The following MON1B variants were observed in gnomAD, a reference collection of about 807,000 sequenced individuals.
The protein encoded by MON1B is MON1 vesicular trafficking associated B.
In MON1B, 26 loss-of-function variants were observed where a neutral mutation model predicts 45.1. That is an observed-to-expected ratio of 0.58 (90% CI 0.42 to 0.80). The LOEUF (loss-of-function observed/expected upper bound fraction) is 0.80, where lower values mean the gene tolerates loss of function less well. MON1B is among the 30% of genes least tolerant of loss of function. The pLI is 0.00. For missense variants in MON1B, 737 were observed against 754.5 expected, an observed-to-expected ratio of 0.98 and a Z score of 0.27; for synonymous variants, 395 against 320.2, an observed-to-expected ratio of 1.23 and a Z score of -2.49.
At position 77,200,256 on chromosome 16, in the gene MON1B, G is replaced by GTATATATATATATGTATATATATA. The variant is rs2054719886; in HGVS notation, c.*1961_*1962insGTATATATATATATATATATATAT. On this transcript the variant is annotated 3_prime_UTR_variant, in exon 6 of 6. Coordinates refer to ENST00000248248, the MANE Select transcript of MON1B (RefSeq NM_014940.4). ...TGTATATATATATATATGTATATGT[G>GTATATATATATATGTATATATATA]TATATATATATATATGTGTATATAT... The GTATATATATATATGTATATATATA allele has an allele frequency of 2.4e-5, 2 of 83,614 alleles. No homozygotes were observed. Among genetic ancestry groups the GTATATATATATATGTATATATATA allele is most frequent in the African/African-American group, 7.4e-5 (2 of 26,920 alleles). The allele number at this position is 83,614 out of a possible 1,614,324, so 5.2% of individuals were successfully genotyped here.
At chr16:77,196,480 A>G (rs1277346611) in intron 5 of MON1B, among the ~76,000 whole-genome samples, 1 of 152,194 alleles carries the variant, frequency 6.6e-6, no homozygotes, top group Non-Finnish European at 1.5e-5. Context: ...ATTTTACTAT[A>G]AAGAGTAACA....
At chr16:77,197,232 C>T (rs750898077) in intron 5 of MON1B, among the ~76,000 whole-genome samples, 2 of 148,622 alleles carry the variant, frequency 1.3e-5, no homozygotes, top group Non-Finnish European at 3.0e-5. Flanking sequence ...CCCATCTCTA[C>T]TAAAAATACA....
In MON1B at chr16:77,201,327, A is replaced by T. The variant is rs1308950493; in HGVS notation, c.*3019A>T. Reference sequence around the variant, plus strand: ...AGCTGCCACTGCAATTAAAAAAAAAATTTTAGTATCAACCTTTCAAATTCC... The same window carrying T: ...AGCTGCCACTGCAATTAAAAAAAAATTTTTAGTATCAACCTTTCAAATTCC... On this transcript the variant is annotated 3_prime_UTR_variant, in exon 6 of 6. Transcript: ENST00000248248. 6.6e-6 allele frequency: 1 copy of T among 152,208 alleles called. No individual in the cohort carries two copies. Among genetic ancestry groups the T allele is most frequent in the Non-Finnish European group, 1.5e-5 (1 of 68,044 alleles). The allele number at this position is 152,208 out of a possible 1,614,324, so 9.4% of individuals were successfully genotyped here. A position where few individuals can be genotyped will look rare whatever the true frequency, so the allele number is the denominator to read the frequency against.
rs777424016 is a variant in MON1B at position 77,194,220 on chromosome 16, A to G, written c.476-115A>G. ...CAGTCCAGGTGCCCACAGAGTGAGC[A>G]TGTGGACTCGGGCCTGGTGTGTGTA... On this transcript the variant is annotated intron_variant, in intron 3 of 5. Coordinates refer to ENST00000248248, the MANE Select transcript of MON1B (RefSeq NM_014940.4). This position sits in a 1 kb window ranked among gnomAD's most constrained non-coding sequence, Gnocchi z 8.1. 4.3e-6 allele frequency: 4 copies of G among 931,792 alleles called. No homozygotes were observed. Among genetic ancestry groups the G allele is most frequent in the Non-Finnish European group, 7.0e-6 (4 of 575,028 alleles). 57.7% of individuals were successfully genotyped at this position (931,792 alleles called of 1,614,324 possible).
rs1000526196 is a variant in MON1B, at chr16:77,200,631, C to G, written c.*2323C>G. ...ATTGTCCGGGTGTGGTGGCGGGCGCCTGTAGTCCCAGCTACTGGGGAGGCT... is the reference window on the plus strand; with the variant it reads ...ATTGTCCGGGTGTGGTGGCGGGCGCGTGTAGTCCCAGCTACTGGGGAGGCT... On this transcript the variant is annotated 3_prime_UTR_variant, in exon 6 of 6. Coordinates refer to ENST00000248248, the MANE Select transcript of MON1B (RefSeq NM_014940.4). 2 of 151,668 alleles carry G rather than the reference C, an allele frequency of 1.3e-5. No homozygotes were observed. The highest frequency in any genetic ancestry group is 2.9e-5 in the Non-Finnish European group (2 of 67,998). The allele number at this position is 151,668 out of a possible 1,614,324, so 9.4% of individuals were successfully genotyped here. A position where few individuals can be genotyped will look rare whatever the true frequency, so the allele number is the denominator to read the frequency against.
rs1373158148 is a variant in MON1B, at chr16:77,195,171, A to C, written c.1295+17A>C. Reference sequence around the variant, plus strand: ...GTTTACCAGGTAGGCCCTGACCCTAAGGCAACTGGCTGGGTGGGAAGGCCT... The same window carrying C: ...GTTTACCAGGTAGGCCCTGACCCTACGGCAACTGGCTGGGTGGGAAGGCCT... On this transcript the variant is annotated intron_variant, in intron 4 of 5. Transcript: ENST00000248248. The C allele has an allele frequency of 6.5e-7, 1 of 1,540,770 alleles. No homozygotes were observed. Among genetic ancestry groups the C allele is most frequent in the Non-Finnish European group, 8.7e-7 (1 of 1,147,798 alleles).
At position 77,195,261 on chromosome 16, in the gene MON1B, A is replaced by G. The variant is rs2054654035; in HGVS notation, c.1295+107A>G. 3 of 1,189,978 alleles carry G rather than the reference A, an allele frequency of 2.5e-6. No individual in the cohort carries two copies. In the East Asian group the frequency reaches 7.7e-5, roughly 31 times the overall value. The allele number at this position is 1,189,978 out of a possible 1,614,324, so 73.7% of individuals were successfully genotyped here. A position where few individuals can be genotyped will look rare whatever the true frequency, so the allele number is the denominator to read the frequency against. ...GGAGAGATAACCAGCCATGCTTAAG[A>G]AAGAGGGAAGAGAACAAGTCTCTGT... On this transcript the variant is annotated intron_variant, in intron 4 of 5. Transcript: ENST00000248248.
rs1458383502 is a variant in MON1B, at chr16:77,201,826, T to G, written c.*3518T>G. 2.6e-5 allele frequency: 4 copies of G among 152,172 alleles called. No individual in the cohort carries two copies. Among genetic ancestry groups the G allele is most frequent in the Admixed American group, 2.6e-4 (4 of 15,272 alleles). 9.4% of individuals were successfully genotyped at this position (152,172 alleles called of 1,614,324 possible). The stretch of plus-strand genomic sequence containing the variant: ...TAATTTAAATGTATTAAAATTAAAT[T>G]ATAAGTTGATAGGATTATTATTGAC... On this transcript the variant is annotated 3_prime_UTR_variant, in exon 6 of 6. Transcript: ENST00000248248.
chr16:77,196,856 T>G (rs2054670328), intron 5 of MON1B, among the ~76,000 whole-genome samples: 1 of 152,234 alleles, frequency 6.6e-6, no homozygotes, highest in South Asian at 2.1e-4. Context: ...TGGATTTTTC[T>G]TTAATTCAGT....
rs2054722726 is a variant in MON1B at position 77,200,282 on chromosome 16, A to ATG, written c.*1975_*1976insGT. 8.8e-6 allele frequency: 1 copy of ATG among 114,212 alleles called. No homozygotes were observed. Among genetic ancestry groups the ATG allele is most frequent in the African/African-American group, 3.0e-5 (1 of 33,312 alleles). The allele number at this position is 114,212 out of a possible 1,614,324, so 7.1% of individuals were successfully genotyped here. A position where few individuals can be genotyped will look rare whatever the true frequency, so the allele number is the denominator to read the frequency against. ...TATATATATATATATGTGTATATATATATATATATACACACACTAATCAGC... is the reference window on the plus strand; with the variant it reads ...TATATATATATATATGTGTATATATATGTATATATATACACACACTAATCAGC... On this transcript the variant is annotated 3_prime_UTR_variant, in exon 6 of 6. Coordinates refer to ENST00000248248, the MANE Select transcript of MON1B (RefSeq NM_014940.4).
chr16:77,198,284 T>C lies in MON1B; in HGVS notation c.1620T>C (p.His540=), dbSNP rs1285708189. ...CCACCTCTACGGACCAAGCTGCCCATAATGGCTTGTTCACTGGACTCTGAT... is the reference window on the plus strand; with the variant it reads ...CCACCTCTACGGACCAAGCTGCCCACAATGGCTTGTTCACTGGACTCTGAT... ...PPATSTDQAA[H]NGLFTGL Residue 540 remains histidine, a synonymous_variant, in exon 6 of 6, where the codon CAT becomes CAC. Transcript: ENST00000248248. 1 of 1,614,154 alleles carries C rather than the reference T, an allele frequency of 6.2e-7. No homozygotes were observed.
rs1191901679 is a variant in MON1B at position 77,195,627 on chromosome 16, C to T, written c.1388C>T (p.Ser463Phe). ...HRLHARLHST[S>F]RPLRLIYHVA... is the part of the protein sequence containing the mutation. The stretch of plus-strand genomic sequence containing the variant: ...CTGCATGCTCGTCTCCACAGCACCT[C>T]CCGACCCCTGCGCCTCATTTACCAC... The change falls in exon 5 of 6, where the codon TCC becomes TTC. Residue 463 changes from serine (S) to phenylalanine (F), a missense_variant. Transcript: ENST00000248248. 2 of 1,614,158 alleles carry T rather than the reference C, an allele frequency of 1.2e-6. No individual in the cohort carries two copies. The highest frequency in any genetic ancestry group is 2.2e-5 in the East Asian group (1 of 44,864).
chr16:77,194,556 C>A lies in MON1B; in HGVS notation c.697C>A (p.Leu233Met), dbSNP rs766143099. Residue 233 changes from leucine to methionine, a missense_variant, in exon 4 of 6, where the codon CTG (leucine) becomes ATG (methionine). By Grantham distance (15) the Leu-to-Met change is conservative. Transcript: ENST00000248248. The surrounding 1 kb of genome is among the most constrained non-coding windows in gnomAD (Gnocchi z 8.1). Reference protein sequence around the residue: ...AGSERTLDRLLDSMEQDPGAL... With the variant: ...AGSERTLDRLMDSMEQDPGAL... ...TTCAGAGCGCACACTGGACCGACTTCTGGACAGTATGGAGCAGGACCCAGG... is the reference window on the plus strand; with the variant it reads ...TTCAGAGCGCACACTGGACCGACTTATGGACAGTATGGAGCAGGACCCAGG... 6.2e-7 allele frequency: 1 copy of A among 1,614,090 alleles called. No individual in the cohort carries two copies. The highest frequency in any genetic ancestry group is 8.5e-7 in the Non-Finnish European group (1 of 1,180,032).
At chr16:77,192,518 TTAA>T (rs1345347431) in intron 2 of MON1B, among the ~76,000 whole-genome samples, 1 of 152,150 alleles carries the variant, frequency 6.6e-6, no homozygotes, top group Non-Finnish European at 1.5e-5. Flanking sequence ...TTAGTGAATG[TTAA>T]TGATGGTCAT....
At chr16:77,195,292 G>T (rs771559879) in intron 4 of MON1B, 138 bp downstream of exon 4, 6 of 1,049,924 alleles carry the variant, frequency 5.7e-6, no homozygotes, top group South Asian at 1.7e-5. Flanking sequence ...TCTGTCTGAT[G>T]ATGGAGCATC....
rs768918558 is a variant in MON1B at position 77,198,335 on chromosome 16, G to T, written c.*27G>T. On this transcript the variant is annotated 3_prime_UTR_variant, in exon 6 of 6. Coordinates refer to ENST00000248248, the MANE Select transcript of MON1B (RefSeq NM_014940.4). ...AGTTGGAGCTCCCAGACCAGGCAGT[G>T]CTGGGAGCAACCACCTTTGTTTTTT... 6.2e-7 allele frequency: 1 copy of T among 1,600,530 alleles called. No homozygotes were observed. Among genetic ancestry groups the T allele is most frequent in the South Asian group, 1.1e-5 (1 of 90,810 alleles).
rs11344903 is a variant in MON1B, at chr16:77,200,746, C to CAAAAAAAAAAAAAAAAAAAAAA, written c.*2457_*2458insAAAAAAAAAAAAAAAAAAAAAA. On this transcript the variant is annotated 3_prime_UTR_variant, in exon 6 of 6. Transcript: ENST00000248248. ...ACTCCAGCGCGGAAGACAGAGTGAGCAAAAAAAAAAAAAAAAAAAGAAAAA... is the reference window on the plus strand; with the variant it reads ...ACTCCAGCGCGGAAGACAGAGTGAGCAAAAAAAAAAAAAAAAAAAAAAAAAAAAAAAAAAAAAAAAAGAAAAA... 1.2e-5 allele frequency: 1 copy of CAAAAAAAAAAAAAAAAAAAAAA among 84,838 alleles called. No individual in the cohort carries two copies. 5.3% of individuals were successfully genotyped at this position (84,838 alleles called of 1,614,324 possible). A position where few individuals can be genotyped will look rare whatever the true frequency, so the allele number is the denominator to read the frequency against.
rs1011751634 is a variant in MON1B at position 77,194,052 on chromosome 16, G to A, written c.475+275G>A. The stretch of plus-strand genomic sequence containing the variant: ...ACTGTGGGGGCTGTGTGGTTGAGCT[G>A]TGTCTTTCTGGCTCTGTGTCAGCCC... On this transcript the variant is annotated intron_variant, in intron 3 of 5. Coordinates refer to ENST00000248248, the MANE Select transcript of MON1B (RefSeq NM_014940.4). The surrounding 1 kb of genome is among the most constrained non-coding windows in gnomAD (Gnocchi z 8.1). 1.7e-5 allele frequency: 10 copies of A among 598,642 alleles called. No individual in the cohort carries two copies. The highest frequency in any genetic ancestry group is 1.3e-4 in the African/African-American group (7 of 53,828). The allele number at this position is 598,642 out of a possible 1,614,324, so 37.1% of individuals were successfully genotyped here.
Position 77,200,717 on chromosome 16 carries a change from C to T in MON1B, c.*2409C>T, listed in dbSNP as rs1373782365. ...GTTATCGTGAGCTGACATTGCGCCA[C>T]TGCACTCCAGCGCGGAAGACAGAGT... On this transcript the variant is annotated 3_prime_UTR_variant, in exon 6 of 6. Coordinates refer to ENST00000248248, the MANE Select transcript of MON1B (RefSeq NM_014940.4). 1 of 135,674 alleles carries T rather than the reference C, an allele frequency of 7.4e-6. No individual in the cohort carries two copies. Among genetic ancestry groups the T allele is most frequent in the Non-Finnish European group, 1.5e-5 (1 of 65,996 alleles). 8.4% of individuals were successfully genotyped at this position (135,674 alleles called of 1,614,324 possible).
Sources: allele counts gnomAD v4.1 joint callset (sites outside exome capture counted in the v4.1 genomes callset), GRCh38; gene constraint gnomAD v4.1.1; non-coding constraint Gnocchi (gnomAD v3.1); transcripts MANE v1.5; gene names NCBI Gene and HGNC (gene_info 2026-07-23, HGNC 2026-07-21).